AFAP1: variants seen among roughly 807,000 people sequenced by gnomAD.
The protein encoded by AFAP1 is actin filament-associated protein 1.
A neutral mutation model predicts 93.9 loss-of-function variants in AFAP1; 75 were observed. The observed-to-expected ratio is 0.80, with a 90% CI of 0.66 to 0.97. The LOEUF is 0.97. Ranked by LOEUF, AFAP1 falls within the 50% of genes least tolerant of loss-of-function variation. The pLI is 0.00. For synonymous variants in AFAP1, 517 were observed against 430.7 expected, an observed-to-expected ratio of 1.20 and a Z score of -2.48; for missense variants, 1,201 against 1,050.8, an observed-to-expected ratio of 1.14 and a Z score of -1.98.
At chr4:7,896,797 C>A (rs1718805957) in intron 1 of AFAP1, among the ~76,000 whole-genome samples, 1 of 141,664 alleles carries the variant, frequency 7.1e-6, no homozygotes, top group African/African-American at 2.6e-5. Flanking sequence ...AGTCCTCACT[C>A]CCCCCACACC....
At chr4:7,841,673 A>G (rs752722784) in intron 5 of AFAP1, among the ~76,000 whole-genome samples, 5 of 152,230 alleles carry the variant, frequency 3.3e-5, no homozygotes, top group Non-Finnish European at 7.3e-5. Context: ...CCTGAATGAT[A>G]GGTCATTTTT....
At chr4:7,839,993 C>T (rs539007560) in intron 5 of AFAP1, among the ~76,000 whole-genome samples, 11 of 152,186 alleles carry the variant, frequency 7.2e-5, no homozygotes, top group African/African-American at 2.2e-4. Flanking sequence ...TGCTGAATGT[C>T]GACATCATAT....
At chr4:7,846,537 G>A (rs752970589) in intron 4 of AFAP1, among the ~76,000 whole-genome samples, 14 of 152,164 alleles carry the variant, frequency 9.2e-5, no homozygotes, top group Non-Finnish European at 1.6e-4. Flanking sequence ...CAGCCCTCAG[G>A]GCTCGGCCCA....
At chr4:7,901,209 C>T (rs553891064) in intron 1 of AFAP1, among the ~76,000 whole-genome samples, 1 of 152,304 alleles carries the variant, frequency 6.6e-6, no homozygotes, top group Non-Finnish European at 1.5e-5. Context: ...TGGCCATATG[C>T]CTGTGCGTGC....
In AFAP1 at chr4:7,939,345, G is replaced by A. The variant is rs2149251403; in HGVS notation, c.-3+311C>T. On this transcript the variant is annotated intron_variant, in intron 1 of 17. Transcript: ENST00000420658. The surrounding 1 kb of genome is among the most constrained non-coding windows in gnomAD (Gnocchi z 5.6). ...GGGTCTTCGCAGGGCCCCCTCTGAC[G>A]CACACGGGGACCAGCCACGCCGCGG... The A allele has an allele frequency of 6.2e-6, 2 of 322,584 alleles. No homozygotes were observed. The highest frequency in any genetic ancestry group is 2.3e-5 in the South Asian group (1 of 43,722). 20.0% of individuals were successfully genotyped at this position (322,584 alleles called of 1,614,324 possible). A position where few individuals can be genotyped will look rare whatever the true frequency, so the allele number is the denominator to read the frequency against.
rs1360488876 is a variant in AFAP1, at chr4:7,834,591, T to C, written c.726+3933A>G. On this transcript the variant is annotated intron_variant, in intron 6 of 17. Transcript: ENST00000420658. ...CGAAAGCATAAGGCAGCTACTATGA[T>C]AGTAAGCAAGGCCTGGGCCAAAATC... is the stretch of plus-strand genomic sequence containing the variant. 3.3e-5 allele frequency among the ~76,000 whole-genome samples: 5 copies of C among 152,316 alleles called. No homozygotes were observed. In the East Asian group the frequency reaches 5.8e-4, roughly 18 times the overall value.
intron 1 of AFAP1, among the ~76,000 whole-genome samples, chr4:7,909,643 C>G (rs772070756): frequency 6.6e-6 from 1 of 152,092 alleles, no homozygotes; most frequent in Non-Finnish European, 1.5e-5. Flanking sequence ...GGTTCCAAAG[C>G]GCAAGAGCCA....
rs2148967495 is a variant in AFAP1, at chr4:7,774,821, C to T, written c.1980G>A (p.Lys660=). 1 of 1,614,246 alleles carries T rather than the reference C, an allele frequency of 6.2e-7. No individual in the cohort carries two copies. The highest frequency in any genetic ancestry group is 8.5e-7 in the Non-Finnish European group (1 of 1,180,044). Residue 660 remains lysine, a synonymous_variant, in exon 15 of 18, where the codon AAG becomes AAA. Coordinates refer to ENST00000420658, the MANE Select transcript of AFAP1 (RefSeq NM_001134647.2). ...RLQTKEEELL[K]RKEALRNRLA... The stretch of plus-strand genomic sequence containing the variant: ...GCCTATTCCGCAGGGCCTCTTTCCT[C>T]TTCAGCAGCTCCTCCTCTTTGGTCT...
At chr4:7,871,813 C>T in intron 2 of AFAP1, 139 bp downstream of exon 2, 1 of 1,236,286 alleles carries the variant, frequency 8.1e-7, no homozygotes, top group South Asian at 1.6e-5. Flanking sequence ...AGTGTAAACC[C>T]TCAATGAAAA....
chr4:7,865,743 A>C (rs7378106), intron 3 of AFAP1, among the ~76,000 whole-genome samples: 55,148 of 152,122 alleles, frequency 0.36, 10,940 homozygotes, highest in African/African-American at 0.52. Flanking sequence ...TCCCTCTGCT[A>C]CACCCAGCTG....
intron 1 of AFAP1, among the ~76,000 whole-genome samples, chr4:7,886,168 G>T (rs35154266): frequency 6.6e-6 from 1 of 152,116 alleles, no homozygotes; most frequent in Non-Finnish European, 1.5e-5. Context: ...TGAACGACTG[G>T]ATGATTTTGA....
intron 17 of AFAP1, among the ~76,000 whole-genome samples, chr4:7,767,468 T>C (rs1292970078): frequency 6.6e-6 from 1 of 152,160 alleles, no homozygotes; most frequent in Non-Finnish European, 1.5e-5. Context: ...GCAGCTCAAT[T>C]CTAAACATCC....
intron 12 of AFAP1, among the ~76,000 whole-genome samples, chr4:7,782,045 T>C (rs35509185): frequency 0.2 from 31,200 of 152,202 alleles, 4,115 homozygotes; most frequent in Non-Finnish European, 0.3. Flanking sequence ...AGGGGAGGAA[T>C]GAGCATGGGA....
At chr4:7,846,899 CA>C (rs1713771238) in intron 4 of AFAP1, among the ~76,000 whole-genome samples, 1 of 152,162 alleles carries the variant, frequency 6.6e-6, no homozygotes, top group African/African-American at 2.4e-5. Context: ...TGGTGAATGA[CA>C]GGACTGAAAC....
intron 8 of AFAP1, among the ~76,000 whole-genome samples, chr4:7,810,719 A>G (rs543255149): frequency 4.2e-4 from 64 of 152,350 alleles, no homozygotes; most frequent in African/African-American, 1.5e-3. Context: ...GAAAGATGGA[A>G]GTCTAGCAAC....
intron 5 of AFAP1, among the ~76,000 whole-genome samples, chr4:7,842,067 A>G (rs979418853): frequency 2.0e-5 from 3 of 152,154 alleles, no homozygotes; most frequent in African/African-American, 4.8e-5. Flanking sequence ...TGTAGCCATT[A>G]TATCAGACTG....
chr4:7,893,857 C>A (rs151182196), intron 1 of AFAP1, among the ~76,000 whole-genome samples: 8 of 152,238 alleles, frequency 5.3e-5, no homozygotes, highest in African/African-American at 1.9e-4. Flanking sequence ...TACACCAGGG[C>A]GAGGGTGTTT....
chr4:7,838,834 TCA>T (rs113955695), intron 5 of AFAP1, 131 bp from the exon 6 acceptor site: 73,035 of 664,218 alleles, frequency 0.11, 309 homozygotes, highest in East Asian at 0.16. Flanking sequence ...ATGAGCAGGT[TCA>T]CACACACACA....
At chr4:7,933,278 T>C (rs1721195800) in intron 1 of AFAP1, among the ~76,000 whole-genome samples, 1 of 152,038 alleles carries the variant, frequency 6.6e-6, no homozygotes, top group Non-Finnish European at 1.5e-5. Flanking sequence ...CATGAGCCTT[T>C]AAGAGCACAG....
Sources: allele counts gnomAD v4.1 joint callset (sites outside exome capture counted in the v4.1 genomes callset), GRCh38; gene constraint gnomAD v4.1.1; non-coding constraint Gnocchi (gnomAD v3.1); transcripts MANE v1.5; gene names NCBI Gene and HGNC (gene_info 2026-07-23, HGNC 2026-07-21).